The following UBE2H variants were observed in gnomAD, a reference collection of about 807,000 sequenced individuals.
The protein encoded by UBE2H is ubiquitin-conjugating enzyme E2 H.
A neutral mutation model predicts 29.0 loss-of-function variants in UBE2H; 3 were observed. The observed-to-expected ratio is 0.10, with a 90% CI of 0.05 to 0.27. UBE2H has a LOEUF of 0.27. UBE2H is among the 10% of genes least tolerant of loss of function. The pLI, the probability that UBE2H is intolerant of heterozygous loss-of-function variation, is 1.00. For synonymous variants in UBE2H, 69 were observed against 82.9 expected (o/e 0.83, Z 0.91); for missense variants, 68 against 228.2 (o/e 0.30, Z 4.52).
intron 1 of UBE2H, among the ~76,000 whole-genome samples, chr7:129,911,863 A>C (rs1459183524): frequency 6.6e-6 from 1 of 152,080 alleles, no homozygotes; most frequent in Non-Finnish European, 1.5e-5. Context: ...GGCTAATCTC[A>C]AACTCCTGGC....
At chr7:129,902,668 C>T (rs568929813) in intron 1 of UBE2H, among the ~76,000 whole-genome samples, 4 of 152,306 alleles carry the variant, frequency 2.6e-5, no homozygotes, top group African/African-American at 9.6e-5. Flanking sequence ...AATGAACACA[C>T]TGGACCCCAG....
chr7:129,837,625 T>TGGGGGGGGGGGGGGGGGTG (rs1410397710), intron 6 of UBE2H, among the ~76,000 whole-genome samples: 1 of 85,190 alleles, frequency 1.2e-5, no homozygotes, highest in Non-Finnish European at 2.4e-5. Context: ...GGCGGGGGGT[T>TGGGGGGGGGGGGGGGGGTG]GGGGGAACAA....
chr7:129,866,487 C>T (rs556953887), intron 3 of UBE2H, among the ~76,000 whole-genome samples: 45 of 152,270 alleles, frequency 3.0e-4, no homozygotes, highest in African/African-American at 1.1e-3. Flanking sequence ...CATATAACCA[C>T]ACTGTTGGGT....
At chr7:129,892,184 C>T (rs1379813347) in intron 1 of UBE2H, among the ~76,000 whole-genome samples, 3 of 152,032 alleles carry the variant, frequency 2.0e-5, no homozygotes, top group East Asian at 3.9e-4. Flanking sequence ...CTCCTGATCT[C>T]GTGATCCGCC....
chr7:129,937,056 G>A (rs1337783291), intron 1 of UBE2H, among the ~76,000 whole-genome samples: 5 of 152,146 alleles, frequency 3.3e-5, no homozygotes, highest in African/African-American at 1.2e-4. Context: ...GCCAGGTGTG[G>A]TGGTGGCTCG....
At chr7:129,844,499 GATA>G (rs748622779) in intron 5 of UBE2H, among the ~76,000 whole-genome samples, 1 of 152,080 alleles carries the variant, frequency 6.6e-6, no homozygotes, top group East Asian at 1.9e-4. Flanking sequence ...AAAATGTGTC[GATA>G]ATAATAACGA....
chr7:129,941,203 C>T (rs1052874111), intron 1 of UBE2H, among the ~76,000 whole-genome samples: 5 of 152,068 alleles, frequency 3.3e-5, no homozygotes, highest in African/African-American at 1.2e-4. Context: ...AAGCAACGCC[C>T]GGCTAATTTT....
In UBE2H at chr7:129,839,202, C is replaced by G; in HGVS notation, c.427+5G>C. ...GTCTCCAGGTTAAACTACCCATCCT[C>G]TTACCTTTAATTTTCTGCTTGTATT... On this transcript the variant is annotated splice_donor_5th_base_variant and intron_variant, in intron 6 of 6. Coordinates refer to ENST00000355621, the MANE Select transcript of UBE2H (RefSeq NM_003344.4). The G allele has an allele frequency of 6.2e-7, 1 of 1,612,224 alleles. No individual in the cohort carries two copies. Among genetic ancestry groups the G allele is most frequent in the Non-Finnish European group, 8.5e-7 (1 of 1,179,452 alleles).
chr7:129,835,144 C>A (rs755570715), intron 6 of UBE2H, 83 bp from the exon 7 acceptor site: 2 of 1,592,972 alleles, frequency 1.3e-6, no homozygotes, highest in Non-Finnish European at 1.7e-6. Flanking sequence ...GGCAAGGCTG[C>A]GGAGGTTCAA....
At chr7:129,867,723 C>CAAAAAAAAAAAAAAA (rs1563027569) in intron 3 of UBE2H, among the ~76,000 whole-genome samples, 1 of 65,560 alleles carries the variant, frequency 1.5e-5, no homozygotes, top group Non-Finnish European at 2.7e-5. Context: ...AAAAAGAAAA[C>CAAAAAAAAAAAAAAA]CAAAAAAAAA....
intron 1 of UBE2H, among the ~76,000 whole-genome samples, chr7:129,891,953 C>CTTTT (rs753851134): frequency 4.7e-5 from 6 of 127,138 alleles, no homozygotes; most frequent in African/African-American, 1.4e-4. Context: ...CATGCTACAC[C>CTTTT]TTTTTTTTTT....
At chr7:129,938,809 T>C (rs904380075) in intron 1 of UBE2H, among the ~76,000 whole-genome samples, 2 of 144,194 alleles carry the variant, frequency 1.4e-5, no homozygotes, top group Non-Finnish European at 3.0e-5. Flanking sequence ...GTTTTTTTTG[T>C]TTTTTTTTGA....
At chr7:129,871,545 T>C (rs538628792) in intron 3 of UBE2H, among the ~76,000 whole-genome samples, 11 of 152,124 alleles carry the variant, frequency 7.2e-5, no homozygotes, top group Non-Finnish European at 7.4e-5. Flanking sequence ...TGAAACCCCA[T>C]CTCTCCTACA....
intron 5 of UBE2H, among the ~76,000 whole-genome samples, chr7:129,850,918 AAAGAG>A (rs1805598312): frequency 6.6e-6 from 1 of 151,140 alleles, no homozygotes; most frequent in Admixed American, 6.6e-5. Context: ...AAAGAAGAGA[AAAGAG>A]AAGAGAAAAG....
At position 129,878,516 on chromosome 7, in the gene UBE2H, T is replaced by C. The variant is rs1404159469; in HGVS notation, c.205+1052A>G. On this transcript the variant is annotated intron_variant, in intron 3 of 6. Transcript: ENST00000355621. Reference sequence around the variant, plus strand: ...GGCTAACACAGTGGAACCCCGTCTCTACTAAAAATACAAAAAATTAGCCGG... The same window carrying C: ...GGCTAACACAGTGGAACCCCGTCTCCACTAAAAATACAAAAAATTAGCCGG... Among the ~76,000 whole-genome samples, 3 of 151,964 alleles carry C rather than the reference T, an allele frequency of 2.0e-5. No individual in the cohort carries two copies. In the South Asian group the frequency reaches 6.2e-4, roughly 32 times the overall value.
intron 1 of UBE2H, among the ~76,000 whole-genome samples, chr7:129,925,408 G>C (rs1209464597): frequency 6.6e-6 from 1 of 151,666 alleles, no homozygotes; most frequent in Non-Finnish European, 1.5e-5. Context: ...AAAAAAACAA[G>C]AAAAAAATAA....
rs531926352 is a variant in UBE2H, at chr7:129,927,870, T to C, written c.53+24633A>G. Among the ~76,000 whole-genome samples, 30 of 151,908 alleles carry C rather than the reference T, an allele frequency of 2.0e-4. 1 individual carries two copies. Among genetic ancestry groups the C allele is most frequent in the Middle Eastern group, 3.4e-3 (1 of 294 alleles). On this transcript the variant is annotated intron_variant, in intron 1 of 6. Coordinates refer to ENST00000355621, the MANE Select transcript of UBE2H (RefSeq NM_003344.4). Reference sequence around the variant, plus strand: ...ATTACAGATAGATAAGAGAAATAAGTCTTAGTGTGCATTCGAAGGTGACCA... The same window carrying C: ...ATTACAGATAGATAAGAGAAATAAGCCTTAGTGTGCATTCGAAGGTGACCA...
At chr7:129,858,484 G>A (rs1041293686) in intron 4 of UBE2H, among the ~76,000 whole-genome samples, 1 of 152,032 alleles carries the variant, frequency 6.6e-6, no homozygotes, top group Non-Finnish European at 1.5e-5. Flanking sequence ...GAAAGAAGGG[G>A]ATAAATAAGA....
intron 5 of UBE2H, among the ~76,000 whole-genome samples, chr7:129,844,344 T>C (rs1805476564): frequency 6.6e-6 from 1 of 152,196 alleles, no homozygotes; most frequent in Non-Finnish European, 1.5e-5. Flanking sequence ...CTCTCAAATG[T>C]GCAGATGTGC....
Sources: gnomAD v4.1 joint callset for allele counts (sites outside exome capture counted in the v4.1 genomes callset) on GRCh38, gnomAD v4.1.1 for gene constraint, MANE v1.5 for transcripts, NCBI Gene and HGNC (gene_info 2026-07-23, HGNC 2026-07-21) for gene names.